CHODL: variants seen among roughly 807,000 people sequenced by gnomAD.
CHODL encodes the protein chondrolectin, also known as transmembrane protein MT75.
A neutral mutation model predicts 34.5 loss-of-function variants in CHODL; 29 were observed. That is an observed-to-expected ratio of 0.84 (90% CI 0.63 to 1.15). CHODL has a LOEUF of 1.15. Among genes scored for constraint, CHODL ranks in the 50% most tolerant of loss-of-function variants. The pLI is 0.00. For missense variants in CHODL, 332 were observed against 332.5 expected (o/e 1.00, Z 0.01); for synonymous variants, 125 against 116.1 (o/e 1.08, Z -0.49).
At chr21:18,000,807 A>T (rs1176964966) in intron 1 of CHODL, among the ~76,000 whole-genome samples, 1 of 152,212 alleles carries the variant, frequency 6.6e-6, no homozygotes, top group African/African-American at 2.4e-5. Context: ...TACTCATATT[A>T]ATTATAAAAA....
intron 1 of CHODL, among the ~76,000 whole-genome samples, chr21:17,999,344 G>A (rs13049065): frequency 2.0e-5 from 3 of 151,988 alleles, no homozygotes; most frequent in Admixed American, 6.6e-5. Context: ...ACATTTTTCT[G>A]TCTGCTTCTC....
At chr21:18,118,275 A>AG (rs2065437323) in intron 2 of CHODL, among the ~76,000 whole-genome samples, 1 of 152,152 alleles carries the variant, frequency 6.6e-6, no homozygotes, top group Non-Finnish European at 1.5e-5. Flanking sequence ...AGATGCAAAA[A>AG]TGAGACAAGA....
intron 1 of CHODL, among the ~76,000 whole-genome samples, chr21:18,014,459 G>C (rs528958052): frequency 6.6e-6 from 1 of 152,290 alleles, no homozygotes; most frequent in African/African-American, 2.4e-5. Flanking sequence ...GGAAACAATA[G>C]ATACTATGGA....
At position 18,028,277 on chromosome 21, in the gene CHODL, CCCTTCCTTCCTT is replaced by C. The variant is rs1555853374; in HGVS notation, c.-45+350_-45+361del. ...CCTTTTCTTTTTCTTTTTCCTTTTC[CCCTTCCTTCCTT>C]CCTTCCTTCCTTCCTTCCTTCCTTC... On this transcript the variant is annotated intron_variant, in intron 2 of 6. Transcript: ENST00000400127. 3.1e-3 allele frequency among the ~76,000 whole-genome samples: 305 copies of C among 98,994 alleles called. 3 individuals carry two copies. Among genetic ancestry groups the C allele is most frequent in the South Asian group, 0.011 (25 of 2,336 alleles). 64.9% of individuals were successfully genotyped at this position (98,994 alleles called of 152,430 possible). A position where few individuals can be genotyped will look rare whatever the true frequency, so the allele number is the denominator to read the frequency against.
chr21:18,260,585 G>A (rs1030642315), intron 4 of CHODL, among the ~76,000 whole-genome samples: 1 of 152,124 alleles, frequency 6.6e-6, no homozygotes, highest in Non-Finnish European at 1.5e-5. Flanking sequence ...GGCTGAGGCA[G>A]GTGGATCACT....
chr21:18,234,142 T>A (rs68190626), intron 2 of CHODL, among the ~76,000 whole-genome samples: 2 of 151,976 alleles, frequency 1.3e-5, no homozygotes, highest in Non-Finnish European at 2.9e-5. Context: ...AAATACTACT[T>A]GGCGTGAAAA....
chr21:18,178,343 T>C (rs2073340965), intron 2 of CHODL, among the ~76,000 whole-genome samples: 1 of 152,178 alleles, frequency 6.6e-6, no homozygotes, highest in African/African-American at 2.4e-5. Flanking sequence ...CTTTTTCCTT[T>C]CCATGTCCAA....
At chr21:18,008,485 CTCCCCTCACAACTCTCCATTTCCCCT>C (rs1042950111) in intron 1 of CHODL, among the ~76,000 whole-genome samples, 3 of 152,106 alleles carry the variant, frequency 2.0e-5, no homozygotes, top group Non-Finnish European at 4.4e-5. Context: ...CCATTTCCCC[CTCCCCTCACAACTCTCCATTTCCCCT>C]TCCCCTCAGC....
At chr21:17,966,470 A>C (rs369518235) in intron 1 of CHODL, among the ~76,000 whole-genome samples, 1 of 152,212 alleles carries the variant, frequency 6.6e-6, no homozygotes, top group African/African-American at 2.4e-5. Flanking sequence ...AGGCTTTTCA[A>C]TTGGCCCACC....
intron 2 of CHODL, among the ~76,000 whole-genome samples, chr21:18,059,331 T>C (rs1451081501): frequency 3.3e-5 from 5 of 152,154 alleles, no homozygotes; most frequent in Admixed American, 3.3e-4. Context: ...AAATAATGTC[T>C]GTTTTTTTAA....
At chr21:18,015,419 C>T (rs907367841) in intron 1 of CHODL, among the ~76,000 whole-genome samples, 2 of 152,118 alleles carry the variant, frequency 1.3e-5, no homozygotes, top group African/African-American at 4.8e-5. Context: ...GCTTGTGGGA[C>T]TGTGAGTCAA....
chr21:17,997,673 C>A (rs1032817416), intron 1 of CHODL, among the ~76,000 whole-genome samples: 4 of 152,074 alleles, frequency 2.6e-5, no homozygotes, highest in African/African-American at 9.7e-5. Flanking sequence ...ATGGTGGTGG[C>A]AAGAGAAAAA....
At chr21:18,112,651 AC>A (rs1298757953) in intron 2 of CHODL, among the ~76,000 whole-genome samples, 1 of 152,204 alleles carries the variant, frequency 6.6e-6, no homozygotes, top group East Asian at 1.9e-4. Flanking sequence ...AATGCCAAGA[AC>A]ATACATTGGG....
At chr21:18,097,446 CAG>C (rs1433721077) in intron 2 of CHODL, among the ~76,000 whole-genome samples, 1 of 151,754 alleles carries the variant, frequency 6.6e-6, no homozygotes, top group Non-Finnish European at 1.5e-5. Context: ...AACTGAAAAA[CAG>C]AAATAAAAAG....
At chr21:18,087,392 G>A (rs556324550) in intron 2 of CHODL, among the ~76,000 whole-genome samples, 23 of 152,324 alleles carry the variant, frequency 1.5e-4, no homozygotes, top group Admixed American at 6.5e-4. Context: ...GTGCAGCCCA[G>A]TGTTAAACTC....
intron 2 of CHODL, among the ~76,000 whole-genome samples, chr21:18,141,058 G>A (rs990988574): frequency 2.0e-5 from 3 of 151,868 alleles, no homozygotes; most frequent in Non-Finnish European, 4.4e-5. Context: ...TTGAAGTTGA[G>A]GATATTTTAG....
chr21:18,079,665 C>T (rs2064912919), intron 2 of CHODL, among the ~76,000 whole-genome samples: 1 of 150,162 alleles, frequency 6.7e-6, no homozygotes, highest in Non-Finnish European at 1.5e-5. Context: ...TTAATGGACA[C>T]TTTAGTTGAT....
chr21:18,185,099 G>A (rs541741975), intron 2 of CHODL, among the ~76,000 whole-genome samples: 4 of 152,028 alleles, frequency 2.6e-5, no homozygotes, highest in South Asian at 4.2e-4. Context: ...AGGTATACAC[G>A]TGCCATGGTG....
chr21:18,111,210 AAGG>A (rs552895624), intron 2 of CHODL, among the ~76,000 whole-genome samples: 5 of 152,204 alleles, frequency 3.3e-5, no homozygotes, highest in Non-Finnish European at 5.9e-5. Flanking sequence ...CCGTTTGTGT[AAGG>A]AGACCATCAC....
Sources: gnomAD v4.1 joint callset for allele counts (sites outside exome capture counted in the v4.1 genomes callset) on GRCh38, gnomAD v4.1.1 for gene constraint, MANE v1.5 for transcripts, NCBI Gene and HGNC (gene_info 2026-07-23, HGNC 2026-07-21) for gene names.